The following COMMD1 variants were observed in gnomAD, a reference collection of about 807,000 sequenced individuals.
The protein encoded by COMMD1 is copper metabolism domain containing 1.
COMMD1 carries 10 observed loss-of-function variants against 17.2 expected under a neutral mutation model. The observed-to-expected ratio is 0.58, with a 90% confidence interval of 0.36 to 0.99. The LOEUF is 0.99. COMMD1 is among the 50% of genes least tolerant of loss of function. The probability of loss-of-function intolerance (pLI) is 0.01; values close to 1 mark genes in which losing one functional copy is unlikely to be tolerated. For missense variants in COMMD1, 270 were observed against 231.8 expected, an observed-to-expected ratio of 1.17 and a Z score of -1.07; for synonymous variants, 97 against 91.6, an observed-to-expected ratio of 1.06 and a Z score of -0.34.
intron 1 of COMMD1, among the ~76,000 whole-genome samples, chr2:61,926,171 C>T (rs1670325769): frequency 6.6e-6 from 1 of 152,104 alleles, no homozygotes; most frequent in African/African-American, 2.4e-5. Flanking sequence ...CGGGGTTTCA[C>T]TGTGTTAGCC....
chr2:61,952,151 T>C (rs990996641), intron 1 of COMMD1, among the ~76,000 whole-genome samples: 6 of 152,226 alleles, frequency 3.9e-5, no homozygotes, highest in African/African-American at 1.4e-4. Flanking sequence ...TAGGCCAAGC[T>C]CATGATGGGA....
chr2:61,967,399 G>A (rs775639341), intron 1 of COMMD1, among the ~76,000 whole-genome samples: 1 of 152,134 alleles, frequency 6.6e-6, no homozygotes, highest in Non-Finnish European at 1.5e-5. Context: ...CCTCATGGTG[G>A]ACTGGTAGTG....
intron 1 of COMMD1, among the ~76,000 whole-genome samples, chr2:61,895,974 A>C (rs1388039444): frequency 6.6e-6 from 1 of 152,158 alleles, no homozygotes; most frequent in Non-Finnish European, 1.5e-5. Flanking sequence ...TCCACTGTGG[A>C]CCCAGCTCCA....
At chr2:62,059,057 C>T (rs1296230015) in intron 2 of COMMD1, among the ~76,000 whole-genome samples, 2 of 152,200 alleles carry the variant, frequency 1.3e-5, no homozygotes, top group African/African-American at 2.4e-5. Flanking sequence ...GGATTGCAGG[C>T]GTGAGCCACC....
intron 2 of COMMD1, among the ~76,000 whole-genome samples, chr2:62,042,538 A>G (rs751530183): frequency 2.6e-5 from 4 of 152,120 alleles, no homozygotes; most frequent in Non-Finnish European, 5.9e-5. Flanking sequence ...TGCAGGGCCC[A>G]CTGAGCCCGT....
intron 2 of COMMD1, among the ~76,000 whole-genome samples, chr2:62,120,537 A>C (rs1033944447): frequency 1.4e-4 from 21 of 152,092 alleles, no homozygotes; most frequent in Non-Finnish European, 2.4e-4. Context: ...TTTCTCCTTC[A>C]GTGTGATCTG....
intron 2 of COMMD1, among the ~76,000 whole-genome samples, chr2:62,093,194 A>G (rs936685714): frequency 3.9e-5 from 6 of 152,192 alleles, no homozygotes; most frequent in African/African-American, 1.4e-4. Flanking sequence ...TAAGACCAGC[A>G]TGTATTTGAA....
intron 2 of COMMD1, among the ~76,000 whole-genome samples, chr2:62,011,190 C>A (rs1189858662): frequency 6.6e-6 from 1 of 152,084 alleles, no homozygotes; most frequent in African/African-American, 2.4e-5. Flanking sequence ...TTCTCCATGT[C>A]CTGCTTTATG....
At chr2:62,025,933 A>G (rs1278481437) in intron 2 of COMMD1, among the ~76,000 whole-genome samples, 1 of 152,022 alleles carries the variant, frequency 6.6e-6, no homozygotes, top group Non-Finnish European at 1.5e-5. Context: ...GCCTCAAGTG[A>G]TCTGCCTGCC....
At chr2:61,958,073 A>T (rs1671241930) in intron 1 of COMMD1, among the ~76,000 whole-genome samples, 1 of 152,142 alleles carries the variant, frequency 6.6e-6, no homozygotes, top group African/African-American at 2.4e-5. Flanking sequence ...CAGGTTTGTT[A>T]TATAGGTAAA....
chr2:62,065,334 CTTACTTTTTTT>C (rs1671001402), intron 2 of COMMD1, among the ~76,000 whole-genome samples: 1 of 129,016 alleles, frequency 7.8e-6, no homozygotes. Context: ...TTTATATGTA[CTTACTTTTTTT>C]TTTTTTTTTT....
chr2:62,087,867 G>A (rs984028575), intron 2 of COMMD1, among the ~76,000 whole-genome samples: 6 of 152,302 alleles, frequency 3.9e-5, no homozygotes, highest in South Asian at 2.1e-4. Flanking sequence ...AATTGGAGAC[G>A]CTTTGCCTTA....
At chr2:62,126,350 G>A (rs369566172) in intron 2 of COMMD1, among the ~76,000 whole-genome samples, 125 of 152,270 alleles carry the variant, frequency 8.2e-4, no homozygotes, top group African/African-American at 1.9e-3. Flanking sequence ...TCGCCACACC[G>A]TCTTCCACAA....
At chr2:62,029,140 T>G (rs930525185) in intron 2 of COMMD1, among the ~76,000 whole-genome samples, 2 of 152,232 alleles carry the variant, frequency 1.3e-5, no homozygotes, top group Admixed American at 1.3e-4. Context: ...ATAGAAATGC[T>G]AATAATGTTA....
intron 1 of COMMD1, among the ~76,000 whole-genome samples, chr2:61,984,325 C>G (rs1411967408): frequency 6.6e-6 from 1 of 152,186 alleles, no homozygotes; most frequent in Non-Finnish European, 1.5e-5. Context: ...CGCGCTCAAC[C>G]TGTTGTTTTT....
At chr2:61,906,487 CT>C in intron 1 of COMMD1, among the ~76,000 whole-genome samples, 1 of 152,216 alleles carries the variant, frequency 6.6e-6, no homozygotes, top group Admixed American at 6.5e-5. Context: ...TTTTTTGTTA[CT>C]TTTTTCACTA....
intron 2 of COMMD1, among the ~76,000 whole-genome samples, chr2:62,017,092 A>G (rs577205845): frequency 3.9e-4 from 59 of 152,336 alleles, no homozygotes; most frequent in African/African-American, 1.3e-3. Context: ...GTCTCTAGGA[A>G]CCAGCTCAGA....
intron 1 of COMMD1, among the ~76,000 whole-genome samples, chr2:61,912,567 T>C (rs1481751824): frequency 6.6e-6 from 1 of 152,118 alleles, no homozygotes; most frequent in Non-Finnish European, 1.5e-5. Context: ...AAATTCCATC[T>C]CTACTAAAAA....
At chr2:61,906,961 A>C (rs947107935) in intron 1 of COMMD1, among the ~76,000 whole-genome samples, 2 of 152,240 alleles carry the variant, frequency 1.3e-5, no homozygotes, top group Non-Finnish European at 2.9e-5. Context: ...GAATCCAGAA[A>C]AAAAGCAAAT....
Sources: allele counts gnomAD v4.1 joint callset (sites outside exome capture counted in the v4.1 genomes callset), GRCh38; gene constraint gnomAD v4.1.1; transcripts MANE v1.5; gene names NCBI Gene and HGNC (gene_info 2026-07-23, HGNC 2026-07-21).